SDR16C5: variants seen among roughly 807,000 people sequenced by gnomAD.
SDR16C5 encodes short chain dehydrogenase/reductase family 16C member 5, also known as epidermal retinol dehydrogenase 2.
SDR16C5 carries 20 observed loss-of-function variants against 27.7 expected under a neutral mutation model. The ratio of observed to expected loss-of-function variants is 0.72; its 90% CI spans 0.51 to 1.05. The LOEUF (loss-of-function observed/expected upper bound fraction) is 1.05, where lower values mean the gene tolerates loss of function less well. Ranked by LOEUF, SDR16C5 falls within the 50% of genes least tolerant of loss-of-function variation. SDR16C5 has a pLI of 0.00. For missense variants in SDR16C5, 374 were observed against 366.3 expected (o/e 1.02, Z -0.17); for synonymous variants, 139 against 132.3 (o/e 1.05, Z -0.35).
At chr8:56,311,435 A>T (rs1815042179) in intron 3 of SDR16C5, among the ~76,000 whole-genome samples, 1 of 152,180 alleles carries the variant, frequency 6.6e-6, no homozygotes. Flanking sequence ...AAATAAAATG[A>T]TAAAGTAAAA....
intron 6 of SDR16C5, among the ~76,000 whole-genome samples, chr8:56,304,313 CA>C (rs1222882441): frequency 6.6e-6 from 1 of 152,152 alleles, no homozygotes; most frequent in Non-Finnish European, 1.5e-5. Flanking sequence ...AGGGGAAGTT[CA>C]AATGAGGCAG....
intron 6 of SDR16C5, among the ~76,000 whole-genome samples, chr8:56,304,549 T>C (rs1282126144): frequency 6.6e-6 from 1 of 152,120 alleles, no homozygotes; most frequent in Non-Finnish European, 1.5e-5. Flanking sequence ...CACTTTTTTT[T>C]TTTTTGAGAC....
chr8:56,305,587 A>T lies in SDR16C5; in HGVS notation c.836+10T>A. ...CATGTTAGGGAAGTAATAGAAGCTG[A>T]TGTAATTACCTTTTAAGAAACATCA... is the stretch of plus-strand genomic sequence containing the variant. On this transcript the variant is annotated intron_variant, in intron 6 of 6. Transcript: ENST00000303749. The T allele has an allele frequency of 6.4e-7, 1 of 1,574,416 alleles. No individual in the cohort carries two copies. Among genetic ancestry groups the T allele is most frequent in the East Asian group, 2.3e-5 (1 of 43,302 alleles).
chr8:56,310,165 A>G (rs1585913536), intron 3 of SDR16C5, among the ~76,000 whole-genome samples: 1 of 22,332 alleles, frequency 4.5e-5, no homozygotes, highest in African/African-American at 1.8e-4. Flanking sequence ...GAGGAGGAGG[A>G]GGGAGGAGGA....
intron 1 of SDR16C5, among the ~76,000 whole-genome samples, chr8:56,319,590 A>G (rs1013432659): frequency 6.6e-6 from 1 of 152,170 alleles, no homozygotes; most frequent in Non-Finnish European, 1.5e-5. Flanking sequence ...CGCGGCAGCA[A>G]GTCGGCTCTG....
intron 3 of SDR16C5, chr8:56,309,359 C>T (rs1814966938): frequency 1.0e-6 from 1 of 985,310 alleles, no homozygotes; most frequent in African/African-American, 1.7e-5. Context: ...ACCTCACAAA[C>T]ATGATGCTTT....
rs991815144 is a variant in SDR16C5, at chr8:56,316,229, C to T, written c.119G>A (p.Gly40Asp). Residue 40 changes from glycine to aspartate, a missense_variant, in exon 2 of 7, where the codon GGT (glycine) becomes GAT (aspartate). Coordinates refer to ENST00000303749, the MANE Select transcript of SDR16C5 (RefSeq NM_138969.4). ...LLPKPRKNVA[G>D]EIVLITGAGS... ...AGCACCTGTGATGAGGACTATTTCA[C>T]CAGCAACGTTCTTCCGTGGCTTTGG... 2 of 1,613,970 alleles carry T rather than the reference C, an allele frequency of 1.2e-6. No individual in the cohort carries two copies. The highest frequency in any genetic ancestry group is 1.7e-6 in the Non-Finnish European group (2 of 1,179,962).
At chr8:56,314,514 G>T (rs1183771934) in intron 2 of SDR16C5, among the ~76,000 whole-genome samples, 1 of 152,194 alleles carries the variant, frequency 6.6e-6, no homozygotes, top group Non-Finnish European at 1.5e-5. Context: ...ACATCAACCG[G>T]TTATTGCTTA....
intron 1 of SDR16C5, among the ~76,000 whole-genome samples, chr8:56,318,797 G>C (rs1815261756): frequency 6.6e-6 from 1 of 152,114 alleles, no homozygotes; most frequent in African/African-American, 2.4e-5. Flanking sequence ...ATGCTTACTA[G>C]ATTTCTAAGA....
rs767648366 is a variant in SDR16C5, at chr8:56,300,259, T to C, written c.*1221A>G. On this transcript the variant is annotated 3_prime_UTR_variant, in exon 7 of 7. Coordinates refer to ENST00000303749, the MANE Select transcript of SDR16C5 (RefSeq NM_138969.4). ...CGTGCAGGCCACTCAAGGTAAACCA[T>C]AGTGGATTCCAGAGTTTACACCCCC... 8.6e-5 allele frequency: 13 copies of C among 151,906 alleles called. No homozygotes were observed. Among genetic ancestry groups the C allele is most frequent in the Non-Finnish European group, 1.5e-4 (10 of 68,026 alleles). The allele number at this position is 151,906 out of a possible 1,614,324, so 9.4% of individuals were successfully genotyped here.
In SDR16C5 at chr8:56,309,061, TGC is replaced by T. The variant is rs776848579; in HGVS notation, c.466-36_466-35del. Reference sequence around the variant, plus strand: ...ACAAAGGAAAACTTTTAATGTTTAATGCCACATTGTATAATTTTCTCAGATAT... The same window carrying T: ...ACAAAGGAAAACTTTTAATGTTTAATCACATTGTATAATTTTCTCAGATAT... On this transcript the variant is annotated intron_variant, in intron 3 of 6. Coordinates refer to ENST00000303749, the MANE Select transcript of SDR16C5 (RefSeq NM_138969.4). 2.3e-4 allele frequency: 333 copies of T among 1,444,850 alleles called. 2 individuals are homozygous for T. The highest frequency in any genetic ancestry group is 3.6e-4 in the Middle Eastern group (2 of 5,624). 89.5% of individuals were successfully genotyped at this position (1,444,850 alleles called of 1,614,324 possible). A position where few individuals can be genotyped will look rare whatever the true frequency, so the allele number is the denominator to read the frequency against.
At position 56,309,055 on chromosome 8, in the gene SDR16C5, G is replaced by A. The variant is rs765858106; in HGVS notation, c.466-28C>T. ...AAGAATACAAAGGAAAACTTTTAAT[G>A]TTTAATGCCACATTGTATAATTTTC... On this transcript the variant is annotated intron_variant, in intron 3 of 6. Transcript: ENST00000303749. 13 of 1,466,344 alleles carry A rather than the reference G, an allele frequency of 8.9e-6. No individual in the cohort carries two copies. In the South Asian group the frequency reaches 1.3e-4, roughly 14 times the overall value. The allele number at this position is 1,466,344 out of a possible 1,614,324, so 90.8% of individuals were successfully genotyped here. A position where few individuals can be genotyped will look rare whatever the true frequency, so the allele number is the denominator to read the frequency against.
chr8:56,305,932 T>G (rs1465028315), intron 5 of SDR16C5, among the ~76,000 whole-genome samples: 2 of 152,234 alleles, frequency 1.3e-5, no homozygotes, highest in African/African-American at 2.4e-5. Context: ...TGAAAAATGA[T>G]TATTAATACA....
chr8:56,319,402 T>C (rs1325029320), intron 1 of SDR16C5, among the ~76,000 whole-genome samples: 2 of 152,232 alleles, frequency 1.3e-5, no homozygotes, highest in African/African-American at 4.8e-5. Context: ...GCTATATCAA[T>C]TAAATATGGT....
intron 1 of SDR16C5, among the ~76,000 whole-genome samples, chr8:56,316,911 A>G (rs1563445000): frequency 6.6e-6 from 1 of 152,232 alleles, no homozygotes; most frequent in Non-Finnish European, 1.5e-5. Context: ...AAAGCATTTG[A>G]CAGGAAGTAA....
intron 2 of SDR16C5, among the ~76,000 whole-genome samples, chr8:56,313,217 C>A (rs1815093597): frequency 6.6e-6 from 1 of 152,160 alleles, no homozygotes; most frequent in South Asian, 2.1e-4. Flanking sequence ...CTGTATGTGG[C>A]ATTTCATTTT....
At chr8:56,317,688 C>T (rs1815236114) in intron 1 of SDR16C5, among the ~76,000 whole-genome samples, 1 of 152,180 alleles carries the variant, frequency 6.6e-6, no homozygotes, top group Admixed American at 6.5e-5. Context: ...TGGTCACACC[C>T]TTAGGAAATG....
intron 4 of SDR16C5, 82 bp downstream of exon 4, chr8:56,308,846 G>T: frequency 2.2e-6 from 2 of 926,732 alleles, no homozygotes; most frequent in East Asian, 4.9e-5. Flanking sequence ...AGGGCATCAA[G>T]TCAGTGCTAA....
At chr8:56,313,931 G>C (rs964795426) in intron 2 of SDR16C5, among the ~76,000 whole-genome samples, 1 of 152,104 alleles carries the variant, frequency 6.6e-6, no homozygotes, top group Non-Finnish European at 1.5e-5. Context: ...GGTATTGGCC[G>C]GGCGCGGTAG....
Sources: allele counts gnomAD v4.1 joint callset (sites outside exome capture counted in the v4.1 genomes callset), GRCh38; gene constraint gnomAD v4.1.1; transcripts MANE v1.5; gene names NCBI Gene and HGNC (gene_info 2026-07-23, HGNC 2026-07-21).